The following UBAP2 variants were observed in gnomAD, a reference collection of about 807,000 sequenced individuals.
UBAP2 encodes the protein ubiquitin-associated protein 2.
In UBAP2, 75 loss-of-function variants were observed where a neutral mutation model predicts 139.6. The observed-to-expected ratio is 0.54, with a 90% CI of 0.45 to 0.65. The LOEUF (loss-of-function observed/expected upper bound fraction) is 0.65, where lower values mean the gene tolerates loss of function less well. Ranked by LOEUF, UBAP2 falls within the 30% of genes least tolerant of loss-of-function variation. The probability of loss-of-function intolerance (pLI) is 0.00; values close to 1 mark genes in which losing one functional copy is unlikely to be tolerated. For missense variants in UBAP2, 1,368 were observed against 1,369.6 expected (o/e 1.00, Z 0.02); for synonymous variants, 526 against 526.2 (o/e 1.00, Z 0.01).
intron 1 of UBAP2, among the ~76,000 whole-genome samples, chr9:34,029,538 A>G (rs887205923): frequency 4.0e-5 from 6 of 151,794 alleles, no homozygotes; most frequent in African/African-American, 1.5e-4. Context: ...AAAAAAAAAA[A>G]GAAAATGTAT....
intron 6 of UBAP2, among the ~76,000 whole-genome samples, chr9:33,977,141 C>T (rs904806543): frequency 6.7e-6 from 1 of 150,308 alleles, no homozygotes; most frequent in African/African-American, 2.4e-5. Flanking sequence ...CAGGTTCAGG[C>T]AATTCTCCCG....
At chr9:34,039,220 C>G (rs923133433) in intron 1 of UBAP2, among the ~76,000 whole-genome samples, 3 of 150,728 alleles carry the variant, frequency 2.0e-5, no homozygotes, top group South Asian at 2.1e-4. Flanking sequence ...GCCAGCCGCC[C>G]CGTTGGGGAG....
Position 33,935,833 on chromosome 9 carries a change from A to C in UBAP2, c.1969+6T>G. ...CATGACAAGAGTAGCTTGCTGCTAT[A>C]CTTACTGTCTAGTGTCTGCTGACTT... is the stretch of plus-strand genomic sequence containing the variant. On this transcript the variant is annotated splice_donor_region_variant and intron_variant, in intron 17 of 28. Transcript: ENST00000379238. The C allele has an allele frequency of 6.2e-7, 1 of 1,614,134 alleles. No individual in the cohort carries two copies. The highest frequency in any genetic ancestry group is 8.5e-7 in the Non-Finnish European group (1 of 1,179,998).
chr9:33,948,657 C>T (rs1340560388), intron 12 of UBAP2, 70 bp from the exon 13 acceptor site: 1 of 1,245,130 alleles, frequency 8.0e-7, no homozygotes, highest in Non-Finnish European at 1.1e-6. Flanking sequence ...TAAAACATAT[C>T]AAGTATTTTC....
chr9:33,957,334 C>T (rs571393212), intron 10 of UBAP2, among the ~76,000 whole-genome samples: 1 of 152,216 alleles, frequency 6.6e-6, no homozygotes, highest in Admixed American at 6.5e-5. Flanking sequence ...CCCATGAAAC[C>T]ATCACCACAA....
chr9:33,978,631 T>C (rs759550194), intron 6 of UBAP2, among the ~76,000 whole-genome samples: 26 of 151,916 alleles, frequency 1.7e-4, no homozygotes, highest in Non-Finnish European at 3.4e-4. Flanking sequence ...ATACAAAAAA[T>C]TAGCCCGATG....
chr9:33,961,664 G>A (rs1827054641), intron 9 of UBAP2, among the ~76,000 whole-genome samples: 2 of 152,062 alleles, frequency 1.3e-5, no homozygotes, highest in Non-Finnish European at 2.9e-5. Context: ...CCAGAAAGAG[G>A]GATTATGGAT....
rs1345132244 is a variant in UBAP2 at position 33,922,646 on chromosome 9, C to T, written c.3264+41G>A. 7 of 1,593,310 alleles carry T rather than the reference C, an allele frequency of 4.4e-6. No homozygotes were observed. In the East Asian group the frequency reaches 1.6e-4, roughly 36 times the overall value. ...GGCTGTCAAGGCTGGAGCAGAACCC[C>T]TGGCCCAGAGTAGGGTGGCTGCCTC... On this transcript the variant is annotated intron_variant, in intron 28 of 28. Transcript: ENST00000379238.
At chr9:33,995,442 ATAAAT>A (rs1822089447) in intron 4 of UBAP2, 1 of 139,948 alleles carries the variant, frequency 7.1e-6, no homozygotes, top group African/African-American at 2.6e-5. Context: ...AACAAATATT[ATAAAT>A]ATTATATATA....
chr9:34,017,039 CA>C lies in UBAP2; in HGVS notation c.99+10del, dbSNP rs1824425059. Reference sequence around the variant, plus strand: ...AAGGAAAAAAAAAAAAAGAGTTCCACAAAAACTTACCTGTACCACTTGTTTC... The same window carrying C: ...AAGGAAAAAAAAAAAAAGAGTTCCACAAAACTTACCTGTACCACTTGTTTC... On this transcript the variant is annotated intron_variant, in intron 2 of 28. Transcript: ENST00000379238. The C allele has an allele frequency of 1.3e-6, 2 of 1,549,962 alleles. No individual in the cohort carries two copies. Among genetic ancestry groups the C allele is most frequent in the Non-Finnish European group, 1.7e-6 (2 of 1,153,516 alleles).
chr9:33,979,654 G>A (rs776757033), intron 6 of UBAP2, among the ~76,000 whole-genome samples: 2 of 151,960 alleles, frequency 1.3e-5, no homozygotes, highest in Admixed American at 6.6e-5. Context: ...AGGCCGAGGC[G>A]GGCAGATCAT....
intron 6 of UBAP2, among the ~76,000 whole-genome samples, chr9:33,980,242 T>TTTTTTTTTTTTTTTTTC (rs1820534704): frequency 9.7e-6 from 1 of 102,926 alleles, no homozygotes; most frequent in Non-Finnish European, 1.9e-5. Context: ...TTTTTTTTTT[T>TTTTTTTTTTTTTTTTTC]TTTTTTTTGA....
chr9:33,973,086 A>G, intron 7 of UBAP2, 97 bp downstream of exon 7: 1 of 1,051,586 alleles, frequency 9.5e-7, no homozygotes, highest in South Asian at 1.4e-5. Context: ...CACTAGATTC[A>G]CCATGATGAC....
intron 1 of UBAP2, among the ~76,000 whole-genome samples, chr9:34,041,526 G>A (rs1431315988): frequency 6.8e-6 from 1 of 147,960 alleles, no homozygotes; most frequent in African/African-American, 2.5e-5. Flanking sequence ...GTGAAACCCC[G>A]TCTCTACTAA....
intron 4 of UBAP2, among the ~76,000 whole-genome samples, chr9:33,990,275 C>T (rs1189578853): frequency 1.3e-5 from 2 of 152,072 alleles, no homozygotes; most frequent in East Asian, 3.8e-4. Context: ...AAAAATCTTA[C>T]AGAAAAACAA....
chr9:33,998,637 A>T, intron 3 of UBAP2, 150 bp downstream of exon 3: 1 of 602,418 alleles, frequency 1.7e-6, no homozygotes, highest in Non-Finnish European at 2.8e-6. Flanking sequence ...AGGTATTTTT[A>T]ATCACAAGTC....
At chr9:34,039,221 C>T (rs933199160) in intron 1 of UBAP2, among the ~76,000 whole-genome samples, 46 of 150,406 alleles carry the variant, frequency 3.1e-4, no homozygotes, top group African/African-American at 1.0e-3. Flanking sequence ...CCAGCCGCCC[C>T]GTTGGGGAGT....
chr9:33,974,783 C>G (rs983724598), intron 6 of UBAP2, among the ~76,000 whole-genome samples: 2 of 151,886 alleles, frequency 1.3e-5, no homozygotes, highest in Non-Finnish European at 2.9e-5. Context: ...AAAACCCCAT[C>G]TCTAATAAAA....
At chr9:33,927,727 T>C in intron 20 of UBAP2, 70 bp downstream of exon 20, 1 of 1,509,514 alleles carries the variant, frequency 6.6e-7, no homozygotes, top group Non-Finnish European at 8.8e-7. Flanking sequence ...CTGCACTGCC[T>C]TCCTGGGACG....
Sources: allele counts gnomAD v4.1 joint callset (sites outside exome capture counted in the v4.1 genomes callset), GRCh38; gene constraint gnomAD v4.1.1; transcripts MANE v1.5; gene names NCBI Gene and HGNC (gene_info 2026-07-23, HGNC 2026-07-21).